ZFAND1: variants seen among roughly 807,000 people sequenced by gnomAD.
The protein encoded by ZFAND1 is zinc finger AN1-type containing 1.
A neutral mutation model predicts 38.5 loss-of-function variants in ZFAND1; 40 were observed. The observed-to-expected ratio is 1.04, with a 90% confidence interval of 0.81 to 1.35. ZFAND1 has a LOEUF of 1.35. ZFAND1 is among the 40% of genes most tolerant of loss of function. The pLI, the probability that ZFAND1 is intolerant of heterozygous loss-of-function variation, is 0.00. For missense variants in ZFAND1, 346 were observed against 316.3 expected, an observed-to-expected ratio of 1.09 and a Z score of -0.71; for synonymous variants, 117 against 103.6, an observed-to-expected ratio of 1.13 and a Z score of -0.78.
At chr8:81,708,764 C>G in intron 6 of ZFAND1, 1 of 1,213,612 alleles carries the variant, frequency 8.2e-7, no homozygotes, top group South Asian at 1.5e-5. Flanking sequence ...GTATACGGAA[C>G]TGGTTAGAAG....
chr8:81,718,154 C>A, intron 2 of ZFAND1, 28 bp downstream of exon 2: 1 of 1,551,066 alleles, frequency 6.4e-7, no homozygotes, highest in Non-Finnish European at 8.8e-7. Flanking sequence ...AAAATTACTC[C>A]CAAATCCTGC....
intron 6 of ZFAND1, among the ~76,000 whole-genome samples, 188 bp downstream of exon 6, chr8:81,713,730 C>T (rs1808211826): frequency 6.6e-6 from 1 of 152,056 alleles, no homozygotes; most frequent in Non-Finnish European, 1.5e-5. Context: ...ACATATGGTT[C>T]ACTATCATGT....
intron 4 of ZFAND1, 39 bp downstream of exon 4, chr8:81,714,948 C>T (rs769761194): frequency 6.2e-7 from 1 of 1,613,970 alleles, no homozygotes; most frequent in Non-Finnish European, 8.5e-7. Context: ...AGCACTTAAA[C>T]AGATATACAA....
chr8:81,705,654 C>T (rs1434072436), intron 6 of ZFAND1, among the ~76,000 whole-genome samples: 2 of 152,210 alleles, frequency 1.3e-5, no homozygotes, highest in African/African-American at 2.4e-5. Flanking sequence ...GGCATGGTGG[C>T]TCACACCTGT....
At chr8:81,715,191 T>C in intron 3 of ZFAND1, 77 bp from the exon 4 acceptor site, 1 of 1,499,330 alleles carries the variant, frequency 6.7e-7, no homozygotes, top group South Asian at 1.2e-5. Flanking sequence ...TAGAAGGCAG[T>C]ATTCATTTTA....
chr8:81,704,538 CAAAA>C (rs58216047), intron 6 of ZFAND1, among the ~76,000 whole-genome samples: 7 of 105,292 alleles, frequency 6.6e-5, no homozygotes, highest in Admixed American at 2.0e-4. Flanking sequence ...GACCCTATTT[CAAAA>C]AAAAAAAAAA....
At chr8:81,713,847 G>A (rs943958537) in intron 6 of ZFAND1, 71 bp downstream of exon 6, 18 of 1,470,414 alleles carry the variant, frequency 1.2e-5, no homozygotes, top group Admixed American at 1.7e-5. Flanking sequence ...TAATTGATGG[G>A]AAGGAGGAAT....
intron 6 of ZFAND1, among the ~76,000 whole-genome samples, chr8:81,707,470 TAA>T (rs1195194938): frequency 6.6e-6 from 1 of 152,224 alleles, no homozygotes; most frequent in Non-Finnish European, 1.5e-5. Context: ...ATTTTGCTTT[TAA>T]AGAGTCCAAC....
Position 81,717,728 on chromosome 8 carries a change from T to C in ZFAND1, c.99-440A>G, listed in dbSNP as rs376209977. On this transcript the variant is annotated intron_variant, in intron 2 of 7. Coordinates refer to ENST00000220669, the MANE Select transcript of ZFAND1 (RefSeq NM_024699.3). ...GTGCTCTATTTTATAATTTAAATGC[T>C]TGACATTTTAAAGTTTAACTGTAAG... Among the ~76,000 whole-genome samples, 107 of 152,272 alleles carry C rather than the reference T, an allele frequency of 7.0e-4. 3 individuals carry two copies. The South Asian group carries it at 0.02, about 28-fold the overall frequency.
At chr8:81,704,498 T>G (rs1807914018) in intron 6 of ZFAND1, among the ~76,000 whole-genome samples, 1 of 138,982 alleles carries the variant, frequency 7.2e-6, no homozygotes, top group Admixed American at 7.7e-5. Context: ...GTGAACATAC[T>G]ACTGTACTCC....
Position 81,701,404 on chromosome 8 carries a change from T to TGTC in ZFAND1, c.*1290_*1291insGAC, listed in dbSNP as rs1338286327. On this transcript the variant is annotated 3_prime_UTR_variant, in exon 8 of 8. Coordinates refer to ENST00000220669, the MANE Select transcript of ZFAND1 (RefSeq NM_024699.3). ...TTTTTAGACATAATGCTATTGCACA[T>TGTC]TAAATAGACTATAGTATAGTGTAAA... The TGTC allele has an allele frequency of 1.3e-5, 2 of 152,198 alleles. No individual in the cohort carries two copies. The highest frequency in any genetic ancestry group is 1.3e-4 in the Admixed American group (2 of 15,274). 9.4% of individuals were successfully genotyped at this position (152,198 alleles called of 1,614,324 possible).
Position 81,713,655 on chromosome 8 carries a change from T to C in ZFAND1, c.480+263A>G, listed in dbSNP as rs373151015. On this transcript the variant is annotated intron_variant, in intron 6 of 7. Coordinates refer to ENST00000220669, the MANE Select transcript of ZFAND1 (RefSeq NM_024699.3). ...AAATCCGAATTTTGTTGACTAAATC[T>C]CAGCATGGATAAACATTAACAGCAC... Among the ~76,000 whole-genome samples, 106 of 152,102 alleles carry C rather than the reference T, an allele frequency of 7.0e-4. 3 individuals are homozygous for C. In the South Asian group the frequency reaches 0.02, roughly 28 times the overall value.
intron 6 of ZFAND1, among the ~76,000 whole-genome samples, chr8:81,707,932 A>T (rs73284906): frequency 0.026 from 3,935 of 152,262 alleles, 170 homozygotes; most frequent in African/African-American, 0.089. Flanking sequence ...TATGCTAATT[A>T]AAAAAACAGG....
chr8:81,710,413 T>C (rs1288867508), intron 6 of ZFAND1, among the ~76,000 whole-genome samples: 1 of 152,030 alleles, frequency 6.6e-6, no homozygotes, highest in Non-Finnish European at 1.5e-5. Context: ...AAAACTGTAA[T>C]CAATTGTTTC....
In ZFAND1 at chr8:81,714,990, A is replaced by ACTT; in HGVS notation, c.262_263insAAG (p.Leu88delinsGlnVal). On this transcript the variant is annotated protein_altering_variant, in exon 4 of 8. Coordinates refer to ENST00000220669, the MANE Select transcript of ZFAND1 (RefSeq NM_024699.3). ...AACAGCCTAAGTGATCAATCACCTC[A>ACTT]GGCAAAAATTCTTCTCACAATAAGG... 6.2e-7 allele frequency: 1 copy of ACTT among 1,614,078 alleles called. No homozygotes were observed. The highest frequency in any genetic ancestry group is 8.5e-7 in the Non-Finnish European group (1 of 1,179,918).
chr8:81,715,263 G>GTTAGT (rs1442981781), intron 3 of ZFAND1, 149 bp from the exon 4 acceptor site: 18 of 797,884 alleles, frequency 2.3e-5, no homozygotes, highest in Non-Finnish European at 3.1e-5. Flanking sequence ...AATGTTTTAT[G>GTTAGT]TGACAAATGA....
intron 1 of ZFAND1, among the ~76,000 whole-genome samples, chr8:81,719,799 G>A (rs957146328): frequency 7.2e-5 from 11 of 152,110 alleles, no homozygotes; most frequent in Non-Finnish European, 1.5e-4. Flanking sequence ...GACATATATA[G>A]CTGGAAAGGA....
At chr8:81,710,978 G>C (rs937429357) in intron 6 of ZFAND1, among the ~76,000 whole-genome samples, 4 of 152,074 alleles carry the variant, frequency 2.6e-5, no homozygotes, top group Non-Finnish European at 5.9e-5. Flanking sequence ...AGCAAACACA[G>C]CAAAATATAA....
intron 5 of ZFAND1, 104 bp from the exon 6 acceptor site, chr8:81,714,143 C>T (rs1236959287): frequency 8.9e-7 from 1 of 1,125,254 alleles, no homozygotes; most frequent in African/African-American, 1.6e-5. Flanking sequence ...ATAAATTACA[C>T]ACAAGAGAGA....
Sources: allele counts gnomAD v4.1 joint callset (sites outside exome capture counted in the v4.1 genomes callset), GRCh38; gene constraint gnomAD v4.1.1; transcripts MANE v1.5; gene names NCBI Gene and HGNC (gene_info 2026-07-23, HGNC 2026-07-21).